PIGO: variants seen among roughly 807,000 people sequenced by gnomAD.
PIGO encodes phosphatidylinositol glycan anchor biosynthesis class O.
A neutral mutation model predicts 86.9 loss-of-function variants in PIGO; 66 were observed. The observed-to-expected ratio is 0.76, with a 90% confidence interval of 0.62 to 0.93. PIGO has a LOEUF of 0.93. Among genes scored for constraint, PIGO ranks in the 40% least tolerant of loss-of-function variants. The pLI, the probability that PIGO is intolerant of heterozygous loss-of-function variation, is 0.00. For synonymous variants in PIGO, 570 were observed against 556.4 expected (o/e 1.02, Z -0.34); for missense variants, 1,202 against 1,359.1 (o/e 0.88, Z 1.82).
chr9:35,092,578 C>A lies in PIGO; in HGVS notation c.1309G>T (p.Ala437Ser). The change falls in exon 7 of 11, where the codon GCC (alanine) becomes TCC (serine). Residue 437 changes from alanine to serine, a missense_variant. Physicochemically the swap from Ala to Ser is moderately conservative, Grantham distance 99. Transcript: ENST00000378617. Reference sequence around the variant, plus strand: ...CGAGCCCAAGACTCGATGCACATGGCCCGAGCTCCCCGCAGGAACTGCTGC... The same window carrying A: ...CGAGCCCAAGACTCGATGCACATGGACCGAGCTCCCCGCAGGAACTGCTGC... ...ELQQFLRGAR[A>S]MCIESWARFS... is the part of the protein sequence containing the mutation. 1 of 1,614,232 alleles carries A rather than the reference C, an allele frequency of 6.2e-7. No individual in the cohort carries two copies. Among genetic ancestry groups the A allele is most frequent in the Non-Finnish European group, 8.5e-7 (1 of 1,180,040 alleles).
chr9:35,094,190 A>C, intron 3 of PIGO, 26 bp downstream of exon 3: 1 of 1,580,498 alleles, frequency 6.3e-7, no homozygotes, highest in South Asian at 1.2e-5. Context: ...CAGTCTTAGA[A>C]CTAAGTGCTC....
chr9:35,089,520 T>C, intron 9 of PIGO, 70 bp from the exon 10 acceptor site: 1 of 1,602,568 alleles, frequency 6.2e-7, no homozygotes, highest in South Asian at 1.1e-5. Flanking sequence ...GGAGAGTTTC[T>C]ATAGGCCCCT....
chr9:35,092,769 T>G lies in PIGO; in HGVS notation c.1120-2A>C. ...GTAGGTATGAAGAAATCGGGACACC[T>G]GGCAGAGAAAAGGTCAGAGGCCAAG... On this transcript the variant is annotated splice_acceptor_variant, in intron 6 of 10. Transcript: ENST00000378617. LOFTEE classifies it high-confidence loss of function. 6.2e-7 allele frequency: 1 copy of G among 1,600,688 alleles called. No individual in the cohort carries two copies. Among genetic ancestry groups the G allele is most frequent in the East Asian group, 2.2e-5 (1 of 44,804 alleles).
At position 35,091,271 on chromosome 9, in the gene PIGO, C is replaced by A; in HGVS notation, c.2616G>T (p.Leu872=). 2 of 1,605,384 alleles carry A rather than the reference C, an allele frequency of 1.2e-6. No individual in the cohort carries two copies. The highest frequency in any genetic ancestry group is 1.1e-5 in the South Asian group (1 of 89,980). Residue 872 remains leucine (L), a synonymous_variant, in exon 7 of 11, where the codon CTG becomes CTT. Transcript: ENST00000378617. ...LFLQSFLLLH[L]LAAGIPVTTP... ...TGGTGACGGGTATCCCAGCAGCAAGCAGATGTAGGAGAAGGAAGCTCTGCA... is the reference window on the plus strand; with the variant it reads ...TGGTGACGGGTATCCCAGCAGCAAGAAGATGTAGGAGAAGGAAGCTCTGCA...
intron 10 of PIGO, 38 bp from the exon 11 acceptor site, chr9:35,089,259 G>A (rs1829308097): frequency 6.2e-7 from 1 of 1,613,988 alleles, no homozygotes; most frequent in South Asian, 1.1e-5. Flanking sequence ...CAACAGAGTA[G>A]GTCTACTGCC....
chr9:35,091,248 G>A lies in PIGO; in HGVS notation c.2639C>T (p.Thr880Ile). The A allele has an allele frequency of 6.3e-7, 1 of 1,591,892 alleles. No individual in the cohort carries two copies. The highest frequency in any genetic ancestry group is 8.6e-7 in the Non-Finnish European group (1 of 1,167,892). ...LHLLAAGIPV[T>I]TPGPFTVPWQ... ...AGAGCTGAGATATTTACCAGGGGTGGTGACGGGTATCCCAGCAGCAAGCAG... is the reference window on the plus strand; with the variant it reads ...AGAGCTGAGATATTTACCAGGGGTGATGACGGGTATCCCAGCAGCAAGCAG... Residue 880 changes from threonine (T) to isoleucine (I), a missense_variant, in exon 7 of 11, where the codon ACC becomes ATC. By Grantham distance (89) the Thr-to-Ile change is moderately conservative. Transcript: ENST00000378617.
Position 35,091,454 on chromosome 9 carries a change from C to G in PIGO, c.2433G>C (p.Arg811=). ...GACCCTGAGATTTGGTCCTCTCTAA[C>G]CGGCCCCGGAACTCCTCCTGCATGT... ...YRHMQEEFRG[R]LERTKSQGPL... Residue 811 remains arginine (R), a synonymous_variant, in exon 7 of 11, where the codon CGG becomes CGC. Coordinates refer to ENST00000378617, the MANE Select transcript of PIGO (RefSeq NM_032634.4). 6.2e-7 allele frequency: 1 copy of G among 1,614,198 alleles called. No individual in the cohort carries two copies. Among genetic ancestry groups the G allele is most frequent in the Non-Finnish European group, 8.5e-7 (1 of 1,180,028 alleles).
chr9:35,094,050 A>G (rs374750883), intron 3 of PIGO, 26 bp from the exon 4 acceptor site: 80 of 1,608,226 alleles, frequency 5.0e-5, no homozygotes, highest in Non-Finnish European at 6.7e-5. Flanking sequence ...CACTGAGCAC[A>G]GAAGACTAAG....
At position 35,089,453 on chromosome 9, in the gene PIGO, AGAG is replaced by A. The variant is rs1462457627; in HGVS notation, c.3070-6_3070-4del. 4.3e-6 allele frequency: 7 copies of A among 1,614,056 alleles called. No homozygotes were observed. Among genetic ancestry groups the A allele is most frequent in the East Asian group, 4.5e-5 (2 of 44,898 alleles). ...GCTGCCAAGGCACAGGCCAGAATCT[AGAG>A]GAGGAGAGGAGGGGCCACGTTACTT... is the stretch of plus-strand genomic sequence containing the variant. On this transcript the variant is annotated splice_polypyrimidine_tract_variant and splice_region_variant and intron_variant, in intron 9 of 10. Transcript: ENST00000378617.
At chr9:35,091,022 G>A (rs1233278770) in intron 7 of PIGO, 3 of 602,806 alleles carry the variant, frequency 5.0e-6, no homozygotes, top group Non-Finnish European at 8.6e-6. Context: ...AGGACTCCTT[G>A]TCTCTCCTCT....
At chr9:35,094,109 G>T in intron 3 of PIGO, 85 bp from the exon 4 acceptor site, 1 of 1,569,844 alleles carries the variant, frequency 6.4e-7, no homozygotes, top group African/African-American at 1.4e-5. Flanking sequence ...TATGTCCAGG[G>T]ATACAAGCCC....
chr9:35,090,468 G>A lies in PIGO; in HGVS notation c.2852C>T (p.Ala951Val), dbSNP rs761635526. ...ANTFASHLLF[A>V]VGCPLLLLWP... ...GCAAGTGAAGGAGGAGGGGGTACCT[G>A]CAAAGAGGAGGTGGGAGGCAAAGGT... is the stretch of plus-strand genomic sequence containing the variant. Residue 951 changes from alanine to valine, a missense_variant and splice_region_variant, in exon 8 of 11, where the codon GCA becomes GTA. Ala to Val is a moderately conservative substitution (Grantham distance 64, BLOSUM62 0). Coordinates refer to ENST00000378617, the MANE Select transcript of PIGO (RefSeq NM_032634.4). 1.9e-6 allele frequency: 3 copies of A among 1,608,816 alleles called. No individual in the cohort carries two copies. The highest frequency in any genetic ancestry group is 1.7e-4 in the Middle Eastern group (1 of 5,872).
At position 35,091,363 on chromosome 9, in the gene PIGO, G is replaced by A. The variant is rs1381492177; in HGVS notation, c.2524C>T (p.Leu842=). 1.2e-6 allele frequency: 2 copies of A among 1,614,234 alleles called. No homozygotes were observed. Among genetic ancestry groups the A allele is most frequent in the Non-Finnish European group, 1.7e-6 (2 of 1,180,028 alleles). Residue 842 remains leucine, a synonymous_variant, in exon 7 of 11, where the codon CTG becomes TTG. Transcript: ENST00000378617. ...YSAAMVTALT[L]LAFPLLLLHA... ...AACAGCAGAAGTGGGAAGGCCAACA[G>A]GGTGAGGGCTGTGACCATAGCAGCT...
Position 35,093,171 on chromosome 9 carries a change from C to T in PIGO, c.978G>A (p.Thr326=), listed in dbSNP as rs1423655238. Residue 326 remains threonine (T), a synonymous_variant, in exon 6 of 11, where the codon ACG becomes ACA. Transcript: ENST00000378617. ...TGGGCAGGCCCAGCAGCAGGGCCAG[C>T]GTGGGCACAAGGCTAACTTGAGGAA... ...EVIPQVSLVP[T]LALLLGLPIP... 4.3e-6 allele frequency: 7 copies of T among 1,613,892 alleles called. No individual in the cohort carries two copies. The highest frequency in any genetic ancestry group is 2.2e-5 in the East Asian group (1 of 44,886).
rs909730938 is a variant in PIGO, at chr9:35,089,233, G to C, written c.3141-12C>G. On this transcript the variant is annotated splice_polypyrimidine_tract_variant and intron_variant, in intron 10 of 10. Transcript: ENST00000378617. ...CCTCAAATATGAACCTGCAAAGAAA[G>C]GCGGAGAATCTCAGGCAACAGAGTA... The C allele has an allele frequency of 6.2e-7, 1 of 1,614,084 alleles. No individual in the cohort carries two copies. The highest frequency in any genetic ancestry group is 2.2e-5 in the East Asian group (1 of 44,896).
Position 35,090,505 on chromosome 9 carries a change from C to G in PIGO, c.2815G>C (p.Val939Leu), listed in dbSNP as rs2131071645. The G allele has an allele frequency of 6.2e-7, 1 of 1,613,706 alleles. No homozygotes were observed. Reference protein sequence around the residue: ...GSCTWLPALLVGANTFASHLL... With the variant: ...GSCTWLPALLLGANTFASHLL... ...TGGGAGGCAAAGGTGTTGGCTCCCACTAGCAAAGCAGGCAGCCAAGTACAG... is the reference window on the plus strand; with the variant it reads ...TGGGAGGCAAAGGTGTTGGCTCCCAGTAGCAAAGCAGGCAGCCAAGTACAG... Residue 939 changes from valine to leucine, a missense_variant, in exon 8 of 11, where the codon GTG becomes CTG. Coordinates refer to ENST00000378617, the MANE Select transcript of PIGO (RefSeq NM_032634.4).
Position 35,095,258 on chromosome 9 carries a change from T to A in PIGO, c.308A>T (p.Lys103Ile). The change falls in exon 2 of 11, where the codon AAA becomes ATA. Residue 103 changes from lysine (K) to isoleucine (I), a missense_variant. By Grantham distance (102) the Lys-to-Ile change is moderately radical (BLOSUM62 -3). Transcript: ENST00000378617. ...CAGGATCCTCTGCAAGGAGCTTAGT[T>A]TGCCCAGGAAGGGTAGGGAGACAGG... is the stretch of plus-strand genomic sequence containing the variant. ...EPPVSLPFLG[K>I]LSSLQRILEI... 1 of 1,614,090 alleles carries A rather than the reference T, an allele frequency of 6.2e-7. No homozygotes were observed. The highest frequency in any genetic ancestry group is 8.5e-7 in the Non-Finnish European group (1 of 1,179,984).
At chr9:35,093,732 T>A in intron 4 of PIGO, 152 bp from the exon 5 acceptor site, 1 of 1,428,430 alleles carries the variant, frequency 7.0e-7, no homozygotes, top group South Asian at 1.4e-5. Flanking sequence ...TCGGCCATGA[T>A]CCTGATGCCC....
chr9:35,089,186 C>G lies in PIGO; in HGVS notation c.3176G>C (p.Ser1059Thr). The change falls in exon 11 of 11, where the codon AGC (serine) becomes ACC (threonine). Residue 1059 changes from serine (S) to threonine (T), a missense_variant. Ser to Thr is a moderately conservative substitution (Grantham distance 58, BLOSUM62 1). Coordinates refer to ENST00000378617, the MANE Select transcript of PIGO (RefSeq NM_032634.4). ...IFEAVGFIVS[S>T]VGLLLGIALV... ...AGCTATGCCCAGGAGAAGTCCCACGCTGCTCACAATGAAGCCCACAGCCTC... is the reference window on the plus strand; with the variant it reads ...AGCTATGCCCAGGAGAAGTCCCACGGTGCTCACAATGAAGCCCACAGCCTC... The G allele has an allele frequency of 6.2e-7, 1 of 1,614,232 alleles. No homozygotes were observed. Among genetic ancestry groups the G allele is most frequent in the Non-Finnish European group, 8.5e-7 (1 of 1,180,054 alleles).
Sources: allele counts gnomAD v4.1 joint callset, GRCh38; gene constraint gnomAD v4.1.1; transcripts MANE v1.5; gene names NCBI Gene and HGNC (gene_info 2026-07-23, HGNC 2026-07-21).